The following SYTL2 variants were observed in gnomAD, a reference collection of about 807,000 sequenced individuals.
SYTL2 encodes the protein synaptotagmin-like protein 2.
SYTL2 carries 165 observed loss-of-function variants against 198.7 expected under a neutral mutation model. The observed-to-expected ratio is 0.83, with a 90% CI of 0.73 to 0.94. SYTL2 has a LOEUF of 0.94. Ranked by LOEUF, SYTL2 falls within the 40% of genes least tolerant of loss-of-function variation. The probability of loss-of-function intolerance (pLI) is 0.00; values close to 1 mark genes in which losing one functional copy is unlikely to be tolerated. For synonymous variants in SYTL2, 966 were observed against 917.7 expected, an observed-to-expected ratio of 1.05 and a Z score of -0.95; for missense variants, 2,835 against 2,582.8, an observed-to-expected ratio of 1.10 and a Z score of -2.12.
At chr11:85,714,805 T>C (rs1844646815) in intron 11 of SYTL2, 1 of 572,546 alleles carries the variant, frequency 1.7e-6, no homozygotes, top group Non-Finnish European at 2.4e-6. Context: ...TCAGTGTGAA[T>C]TGGTTTAGCT....
chr11:85,696,840 GT>G (rs1314161413), intron 18 of SYTL2, among the ~76,000 whole-genome samples: 1 of 152,172 alleles, frequency 6.6e-6, no homozygotes, highest in African/African-American at 2.4e-5. Flanking sequence ...CTGATTAGCT[GT>G]GATAGCCTAA....
At chr11:85,739,868 A>C (rs2090654584) in intron 4 of SYTL2, among the ~76,000 whole-genome samples, 1 of 152,178 alleles carries the variant, frequency 6.6e-6, no homozygotes, top group East Asian at 1.9e-4. Context: ...CTTGCATTAA[A>C]GCAGTGGCTT....
chr11:85,724,021 T>G lies in SYTL2; in HGVS notation c.5326+11A>C. ...AGACTCACTGTGAGTTAAAAAATTT[T>G]AAATGCTCACTGGAAGGATTTCTCC... is the stretch of plus-strand genomic sequence containing the variant. On this transcript the variant is annotated intron_variant, in intron 8 of 19. Transcript: ENST00000359152. 1.4e-6 allele frequency: 2 copies of G among 1,428,666 alleles called. No homozygotes were observed. Among genetic ancestry groups the G allele is most frequent in the Non-Finnish European group, 9.2e-7 (1 of 1,087,940 alleles). 88.5% of individuals were successfully genotyped at this position (1,428,666 alleles called of 1,614,324 possible). A position where few individuals can be genotyped will look rare whatever the true frequency, so the allele number is the denominator to read the frequency against.
chr11:85,743,697 A>G (rs2090958347), intron 4 of SYTL2, among the ~76,000 whole-genome samples: 1 of 152,166 alleles, frequency 6.6e-6, no homozygotes, highest in African/African-American at 2.4e-5. Flanking sequence ...GTGGGAGAAT[A>G]CCCACCAGCC....
At chr11:85,796,676 A>T (rs527335082) in intron 1 of SYTL2, among the ~76,000 whole-genome samples, 2 of 152,244 alleles carry the variant, frequency 1.3e-5, no homozygotes, top group Non-Finnish European at 2.9e-5. Context: ...TTTCTATCCA[A>T]ATCCCAAATG....
chr11:85,722,368 G>A (rs190777504), intron 8 of SYTL2, among the ~76,000 whole-genome samples: 167 of 151,954 alleles, frequency 1.1e-3, no homozygotes, highest in African/African-American at 3.9e-3. Flanking sequence ...TAGAGATGGG[G>A]TTTCACCATG....
chr11:85,791,517 T>C (rs908328963), intron 1 of SYTL2, among the ~76,000 whole-genome samples: 6 of 152,186 alleles, frequency 3.9e-5, no homozygotes, highest in Admixed American at 6.6e-5. Context: ...ATCCATATAA[T>C]GAGGATTGGG....
rs920439666 is a variant in SYTL2 at position 85,726,256 on chromosome 11, A to C, written c.3102T>G (p.His1034Gln). ...SDIKLSGKNTHEAEVLLSPKK... is the reference protein window; with the variant it reads ...SDIKLSGKNTQEAEVLLSPKK... ...TTGGGCTTAGAAGCACCTCTGCTTC[A>C]TGGGTATTTTTACCTGATAATTTAA... Residue 1034 changes from histidine (H) to glutamine (Q), a missense_variant, in exon 8 of 20, where the codon CAT (histidine) becomes CAG (glutamine). His to Gln is a conservative substitution (Grantham distance 24, BLOSUM62 0). This residue lies in a region of SYTL2 where 2,645 missense variants were observed against 2,381.7 expected (regional missense o/e 1.11). Transcript: ENST00000359152. 3.7e-6 allele frequency: 6 copies of C among 1,613,576 alleles called. No homozygotes were observed. Among genetic ancestry groups the C allele is most frequent in the Non-Finnish European group, 5.1e-6 (6 of 1,179,924 alleles).
chr11:85,850,224 C>T, the SYTL2 span, among the ~76,000 whole-genome samples: 33 of 150,090 alleles, frequency 2.2e-4, no homozygotes, highest in Non-Finnish European at 4.6e-4. Context: ...ACAATCATGT[C>T]GTCTGCAAAC....
rs61736739 is a variant in SYTL2 at position 85,727,895 on chromosome 11, C to A, written c.1463G>T (p.Gly488Val). Residue 488 changes from glycine (G) to valine (V), a missense_variant, in exon 8 of 20, where the codon GGT becomes GTT. Physicochemically the swap from Gly to Val is moderately radical, Grantham distance 109. This residue lies in a region of SYTL2 where 2,645 missense variants were observed against 2,381.7 expected (regional missense o/e 1.11). Coordinates refer to ENST00000359152, the MANE Select transcript of SYTL2 (RefSeq NM_206927.4). Reference sequence around the variant, plus strand: ...TAGAGCCGGGAGAGGAGGGGGCTTACCTTGCTGACGGTCTCTAGAACTGCC... The same window carrying A: ...TAGAGCCGGGAGAGGAGGGGGCTTAACTTGCTGACGGTCTCTAGAACTGCC... ...PGGSSRDRQQ[G>V]KPPPLPALKA... 6.2e-7 allele frequency: 1 copy of A among 1,613,830 alleles called. No individual in the cohort carries two copies.
chr11:85,763,553 A>T (rs182798986), intron 1 of SYTL2, among the ~76,000 whole-genome samples: 1 of 152,330 alleles, frequency 6.6e-6, no homozygotes, highest in African/African-American at 2.4e-5. Flanking sequence ...CAGATAACAC[A>T]GATAGCATCT....
chr11:85,847,820 T>C, the SYTL2 span, among the ~76,000 whole-genome samples: 2 of 152,352 alleles, frequency 1.3e-5, no homozygotes, highest in Middle Eastern at 3.4e-3. Flanking sequence ...AGTTGGTTTT[T>C]TTCCTATTGA....
intron 1 of SYTL2, among the ~76,000 whole-genome samples, chr11:85,792,027 T>C (rs532396830): frequency 3.3e-5 from 5 of 152,204 alleles, no homozygotes; most frequent in South Asian, 2.1e-4. Context: ...GCGAATTGTA[T>C]AGAACAGATT....
chr11:85,795,632 C>CA (rs1280115873), intron 1 of SYTL2, among the ~76,000 whole-genome samples: 1 of 151,330 alleles, frequency 6.6e-6, no homozygotes, highest in Admixed American at 6.6e-5. Flanking sequence ...ATGAAACTAA[C>CA]AAGAATAGTA....
chr11:85,758,913 A>G (rs944888346), intron 1 of SYTL2, among the ~76,000 whole-genome samples: 34 of 152,234 alleles, frequency 2.2e-4, no homozygotes, highest in African/African-American at 8.2e-4. Flanking sequence ...ACTTTTAACA[A>G]GTGCAGTGCT....
intron 7 of SYTL2, among the ~76,000 whole-genome samples, chr11:85,730,576 T>G (rs1393525828): frequency 6.6e-6 from 1 of 152,108 alleles, no homozygotes; most frequent in African/African-American, 2.4e-5. Flanking sequence ...ATAAACTAGG[T>G]ATTGATGGAA....
At chr11:85,731,187 A>G (rs2089779767) in intron 7 of SYTL2, among the ~76,000 whole-genome samples, 1 of 152,230 alleles carries the variant, frequency 6.6e-6, no homozygotes, top group South Asian at 2.1e-4. Context: ...ATTCAATGCT[A>G]TCCCCACAGA....
Position 85,726,103 on chromosome 11 carries a change from CT to C in SYTL2, c.3254del (p.Glu1085GlyfsTer34). ...TCTTTTCCACATTTTCCTTTGATGA[CT>C]CATTTCCTGGCAACTGATAAGTATA... Reference protein sequence around the residue: ...RKYTYQLPGNESSKENVEKNT... With the variant: ...RKYTYQLPGNXSSKENVEKNT... On this transcript the variant is annotated frameshift_variant, in exon 8 of 20. Transcript: ENST00000359152. LOFTEE classifies it high-confidence loss of function. 6.2e-7 allele frequency: 1 copy of C among 1,613,804 alleles called. No individual in the cohort carries two copies. Among genetic ancestry groups the C allele is most frequent in the East Asian group, 2.2e-5 (1 of 44,878 alleles).
chr11:85,716,149 T>G (rs1344954921), intron 11 of SYTL2: 1 of 152,206 alleles, frequency 6.6e-6, no homozygotes, highest in Non-Finnish European at 1.5e-5. Flanking sequence ...TACAGATATT[T>G]AGGCATATAT....
Sources: gnomAD v4.1 joint callset for allele counts (sites outside exome capture counted in the v4.1 genomes callset) on GRCh38, gnomAD v4.1.1 for gene constraint, gnomAD v4.1.1 regional missense constraint, MANE v1.5 for transcripts, NCBI Gene and HGNC (gene_info 2026-07-23, HGNC 2026-07-21) for gene names.